The following SPTBN1 variants were observed in gnomAD, a reference collection of about 807,000 sequenced individuals.
SPTBN1 encodes the protein spectrin beta chain, non-erythrocytic 1.
Under a neutral mutation model 266.4 loss-of-function variants are expected in SPTBN1, and 32 were observed. That is an observed-to-expected ratio of 0.12 (90% confidence interval 0.09 to 0.16). SPTBN1 has a LOEUF of 0.16. Among genes scored for constraint, SPTBN1 ranks in the 10% least tolerant of loss-of-function variants. SPTBN1 has a pLI of 1.00. For missense variants in SPTBN1, 2,296 were observed against 3,067.1 expected, an observed-to-expected ratio of 0.75 and a Z score of 5.94; for synonymous variants, 1,336 against 1,162.2, an observed-to-expected ratio of 1.15 and a Z score of -3.04.
intron 1 of SPTBN1, among the ~76,000 whole-genome samples, chr2:54,459,866 T>C (rs891957213): frequency 2.6e-5 from 4 of 152,194 alleles, no homozygotes; most frequent in African/African-American, 9.7e-5. Context: ...CATCTTTTCT[T>C]TGCAAAAGAC....
intron 2 of SPTBN1, among the ~76,000 whole-genome samples, chr2:54,551,338 A>G (rs977752127): frequency 1.3e-5 from 2 of 152,214 alleles, no homozygotes; most frequent in African/African-American, 4.8e-5. Flanking sequence ...TCTACCTGCA[A>G]CAGAGGAGCC....
At chr2:54,528,811 G>A (rs537003236) in intron 2 of SPTBN1, 1 of 152,282 alleles carries the variant, frequency 6.6e-6, no homozygotes, top group South Asian at 2.1e-4. Flanking sequence ...CTGTGGTCTA[G>A]AAGAAACCAG....
At chr2:54,582,526 T>G (rs536790133) in intron 2 of SPTBN1, among the ~76,000 whole-genome samples, 50 of 147,344 alleles carry the variant, frequency 3.4e-4, no homozygotes, top group Non-Finnish European at 5.8e-4. Flanking sequence ...ATCATGCCAC[T>G]GCACTCCAGC....
chr2:54,586,357 G>A lies in SPTBN1; in HGVS notation c.149-12735G>A, dbSNP rs943565241. 6.6e-5 allele frequency among the ~76,000 whole-genome samples: 10 copies of A among 152,330 alleles called. No homozygotes were observed. The South Asian group carries it at 1.0e-3, about 16-fold the overall frequency. On this transcript the variant is annotated intron_variant, in intron 2 of 35. Coordinates refer to ENST00000356805, the MANE Select transcript of SPTBN1 (RefSeq NM_003128.3). ...CTCATGTGTAATGTTCTTCAGAACAGAAGCCAATTTTTAAATCCTTTTGTA... is the reference window on the plus strand; with the variant it reads ...CTCATGTGTAATGTTCTTCAGAACAAAAGCCAATTTTTAAATCCTTTTGTA...
chr2:54,553,909 C>G (rs987356264), intron 2 of SPTBN1, among the ~76,000 whole-genome samples: 2 of 152,196 alleles, frequency 1.3e-5, no homozygotes, highest in African/African-American at 4.8e-5. Flanking sequence ...TTAGAACAAA[C>G]AGAGGCTTAA....
intron 18 of SPTBN1, 34 bp downstream of exon 18, chr2:54,637,837 T>G: frequency 6.5e-7 from 1 of 1,533,266 alleles, no homozygotes; most frequent in East Asian, 2.3e-5. Flanking sequence ...ATTCCTGTGT[T>G]CCAGTAATAG....
Position 54,669,576 on chromosome 2 carries a change from G to A in SPTBN1, c.*1007G>A, listed in dbSNP as rs1010261266. 6.6e-6 allele frequency: 1 copy of A among 152,638 alleles called. No homozygotes were observed. Among genetic ancestry groups the A allele is most frequent in the Non-Finnish European group, 1.5e-5 (1 of 68,032 alleles). The allele number at this position is 152,638 out of a possible 1,614,324, so 9.5% of individuals were successfully genotyped here. Reference sequence around the variant, plus strand: ...CCAGAGGCTGGGCCTGAACAGGGAGGTGGTCGCTCAGGCCTGGTGCTCAGT... The same window carrying A: ...CCAGAGGCTGGGCCTGAACAGGGAGATGGTCGCTCAGGCCTGGTGCTCAGT... On this transcript the variant is annotated 3_prime_UTR_variant, in exon 36 of 36. Transcript: ENST00000356805.
At chr2:54,650,685 G>C (rs1200050233) in intron 26 of SPTBN1, among the ~76,000 whole-genome samples, 2 of 152,184 alleles carry the variant, frequency 1.3e-5, no homozygotes, top group African/African-American at 2.4e-5. Flanking sequence ...AGTTATCTCA[G>C]CTTTTTCTGT....
At chr2:54,667,729 TTCA>T in intron 35 of SPTBN1, 83 bp downstream of exon 35, 1 of 1,244,344 alleles carries the variant, frequency 8.0e-7, no homozygotes, top group Non-Finnish European at 1.2e-6. Context: ...CAGAAAGTTC[TTCA>T]TGTAAATGAT....
intron 2 of SPTBN1, among the ~76,000 whole-genome samples, chr2:54,531,392 G>A (rs1671228704): frequency 6.6e-6 from 1 of 152,284 alleles, no homozygotes; most frequent in South Asian, 2.1e-4. Flanking sequence ...AGGGGAGATA[G>A]CATCTCTAGT....
At chr2:54,489,110 C>G (rs975417377) in intron 1 of SPTBN1, among the ~76,000 whole-genome samples, 1 of 143,902 alleles carries the variant, frequency 6.9e-6, no homozygotes, top group South Asian at 2.2e-4. Context: ...CACTTGAGCT[C>G]AGGAGTTCAA....
At chr2:54,513,926 T>C (rs1669982776) in intron 1 of SPTBN1, among the ~76,000 whole-genome samples, 1 of 152,232 alleles carries the variant, frequency 6.6e-6, no homozygotes, top group South Asian at 2.1e-4. Context: ...ATCTATCTAC[T>C]TTCAATATTC....
In SPTBN1 at chr2:54,645,466, C is replaced by G; in HGVS notation, c.4494+13C>G. 6.2e-7 allele frequency: 1 copy of G among 1,612,530 alleles called. No individual in the cohort carries two copies. The highest frequency in any genetic ancestry group is 8.5e-7 in the Non-Finnish European group (1 of 1,178,930). On this transcript the variant is annotated intron_variant, in intron 21 of 35. Coordinates refer to ENST00000356805, the MANE Select transcript of SPTBN1 (RefSeq NM_003128.3). This position sits in a 1 kb window ranked among gnomAD's most constrained non-coding sequence, Gnocchi z 4.3. ...GGAGGACGAGATCGTGAGTCGACCCCTACTGCACACATGGCTTTTCCACGA... is the reference window on the plus strand; with the variant it reads ...GGAGGACGAGATCGTGAGTCGACCCGTACTGCACACATGGCTTTTCCACGA...
chr2:54,599,043 C>T (rs756968527), intron 2 of SPTBN1, 49 bp from the exon 3 acceptor site: 2 of 1,598,790 alleles, frequency 1.3e-6, no homozygotes, highest in African/African-American at 1.3e-5. Context: ...TGTGCCTGCT[C>T]CTGCCAGTTC....
chr2:54,549,560 G>T (rs1341519900), intron 2 of SPTBN1, among the ~76,000 whole-genome samples: 3 of 152,146 alleles, frequency 2.0e-5, no homozygotes, highest in Non-Finnish European at 4.4e-5. Context: ...CACTTCTCTT[G>T]AGTCTGTGTC....
chr2:54,664,495 A>T lies in SPTBN1; in HGVS notation c.6463A>T (p.Thr2155Ser), dbSNP rs765122368. The change falls in exon 33 of 36, where the codon ACA (threonine) becomes TCA (serine). Residue 2155 changes from threonine (T) to serine (S), a missense_variant. By Grantham distance (58) the Thr-to-Ser change is moderately conservative. Transcript: ENST00000356805. This position sits in a 1 kb window ranked among gnomAD's most constrained non-coding sequence, Gnocchi z 5.6. ...VDTSEMVNGATEQRTSSKESS... is the reference protein window; with the variant it reads ...VDTSEMVNGASEQRTSSKESS... ...CACAAGCGAAATGGTCAACGGCGCTACAGAACAAAGGACGAGCTCTAAAGA... is the reference window on the plus strand; with the variant it reads ...CACAAGCGAAATGGTCAACGGCGCTTCAGAACAAAGGACGAGCTCTAAAGA... The T allele has an allele frequency of 5.0e-6, 8 of 1,614,100 alleles. No individual in the cohort carries two copies. Among genetic ancestry groups the T allele is most frequent in the Non-Finnish European group, 8.5e-7 (1 of 1,179,974 alleles).
In SPTBN1 at chr2:54,651,306, G is replaced by A. The variant is rs544907018; in HGVS notation, c.5577+1317G>A. ...GATGAGGAAGCCAAAGAAGGGTCTC[G>A]GAACATCCAGGGTGGGAATCTCGTC... On this transcript the variant is annotated intron_variant, in intron 26 of 35. Coordinates refer to ENST00000356805, the MANE Select transcript of SPTBN1 (RefSeq NM_003128.3). Among the ~76,000 whole-genome samples the A allele has an allele frequency of 3.9e-5, 6 of 152,248 alleles. No individual in the cohort carries two copies. In the East Asian group the frequency reaches 5.8e-4, roughly 15 times the overall value.
rs1283964834 is a variant in SPTBN1, at chr2:54,649,004, G to C, written c.5016G>C (p.Arg1672=). Residue 1672 remains arginine (R), a synonymous_variant, in exon 25 of 36, where the codon CGG becomes CGC. Transcript: ENST00000356805. The surrounding 1 kb of genome is among the most constrained non-coding windows in gnomAD (Gnocchi z 6.7). ...SHPESERISM[R]QSKVDKLYAG... is the part of the protein sequence containing the mutation. ...TTTTCAGTGAGCGCATTAGCATGCG[G>C]CAGTCCAAAGTGGATAAACTGTACG... 1 of 1,611,490 alleles carries C rather than the reference G, an allele frequency of 6.2e-7. No individual in the cohort carries two copies. The highest frequency in any genetic ancestry group is 8.5e-7 in the Non-Finnish European group (1 of 1,178,226).
rs79321052 is a variant in SPTBN1, at chr2:54,468,900, C to T, written c.-48+12382C>T. ...TTGAAATACCTATCCCATAATGTGT[C>T]GCAGTGGAATGGATGTGGTTATTAT... is the stretch of plus-strand genomic sequence containing the variant. On this transcript the variant is annotated intron_variant, in intron 1 of 35. Coordinates refer to ENST00000356805, the MANE Select transcript of SPTBN1 (RefSeq NM_003128.3). Among the ~76,000 whole-genome samples the T allele has an allele frequency of 6.1e-3, 931 of 152,192 alleles. 13 individuals are homozygous for T. Among genetic ancestry groups the T allele is most frequent in the African/African-American group, 0.021 (881 of 41,498 alleles).
Sources: gnomAD v4.1 joint callset for allele counts (sites outside exome capture counted in the v4.1 genomes callset) on GRCh38, gnomAD v4.1.1 for gene constraint, Gnocchi (gnomAD v3.1) non-coding constraint, MANE v1.5 for transcripts, NCBI Gene and HGNC (gene_info 2026-07-23, HGNC 2026-07-21) for gene names.